The following SLC38A7 variants were observed in gnomAD, a reference collection of about 807,000 sequenced individuals.
SLC38A7 encodes the protein sodium-coupled neutral amino acid transporter 7.
In SLC38A7, 29 loss-of-function variants were observed where a neutral mutation model predicts 50.1. The observed-to-expected ratio is 0.58, with a 90% CI of 0.43 to 0.79. The LOEUF is 0.79. SLC38A7 is among the 30% of genes least tolerant of loss of function. The probability of loss-of-function intolerance (pLI) is 0.00; values close to 1 mark genes in which losing one functional copy is unlikely to be tolerated. For missense variants in SLC38A7, 483 were observed against 610.6 expected, an observed-to-expected ratio of 0.79 and a Z score of 2.20; for synonymous variants, 244 against 245.9, an observed-to-expected ratio of 0.99 and a Z score of 0.07.
Position 58,667,063 on chromosome 16 carries a change from T to C in SLC38A7, c.*322A>G, listed in dbSNP as rs761186846. The C allele has an allele frequency of 1.6e-5, 7 of 429,532 alleles. No individual in the cohort carries two copies. The highest frequency in any genetic ancestry group is 3.9e-5 in the Admixed American group (1 of 25,562). 26.6% of individuals were successfully genotyped at this position (429,532 alleles called of 1,614,324 possible). A position where few individuals can be genotyped will look rare whatever the true frequency, so the allele number is the denominator to read the frequency against. ...TCCAGAGGGAAGTCAGACTGGATTC[T>C]TTCTTATGAGATCTACCGACTCTCT... On this transcript the variant is annotated 3_prime_UTR_variant, in exon 12 of 12. Transcript: ENST00000219320.
chr16:58,671,010 G>A (rs773656011), intron 10 of SLC38A7, 35 bp downstream of exon 10: 28 of 1,557,158 alleles, frequency 1.8e-5, no homozygotes, highest in Non-Finnish European at 2.3e-5. Flanking sequence ...AGTCTGTGCT[G>A]TGGGGCTGTG....
At position 58,676,273 on chromosome 16, in the gene SLC38A7, C is replaced by T. The variant is rs1347934170; in HGVS notation, c.768+16G>A. 1.9e-6 allele frequency: 3 copies of T among 1,614,062 alleles called. No individual in the cohort carries two copies. Among genetic ancestry groups the T allele is most frequent in the Middle Eastern group, 1.6e-4 (1 of 6,084 alleles). On this transcript the variant is annotated intron_variant, in intron 7 of 11. Transcript: ENST00000219320. The stretch of plus-strand genomic sequence containing the variant: ...ATCTAAGGGGACAGCAGGGACCTTG[C>T]AACTGGCACTGGCACCTGAAATCCG...
chr16:58,676,348 T>C lies in SLC38A7; in HGVS notation c.711-2A>G. The C allele has an allele frequency of 6.2e-7, 1 of 1,614,172 alleles. No homozygotes were observed. Among genetic ancestry groups the C allele is most frequent in the Non-Finnish European group, 8.5e-7 (1 of 1,180,032 alleles). On this transcript the variant is annotated splice_acceptor_variant, in intron 6 of 11. Coordinates refer to ENST00000219320, the MANE Select transcript of SLC38A7 (RefSeq NM_018231.3). LOFTEE classifies it high-confidence loss of function. ...AACACAGCCATCCAGGAAGCCGGCC[T>C]GTGAACAAACACACATGGTGCTGCC...
chr16:58,677,781 G>A (rs1166405316), intron 5 of SLC38A7, among the ~76,000 whole-genome samples: 1 of 152,192 alleles, frequency 6.6e-6, no homozygotes, highest in Non-Finnish European at 1.5e-5. Context: ...TCTGAGCCTG[G>A]CCTTTGAGAA....
Position 58,675,928 on chromosome 16 carries a change from G to A in SLC38A7, c.883+12C>T, listed in dbSNP as rs1473903970. 3 of 1,595,796 alleles carry A rather than the reference G, an allele frequency of 1.9e-6. No homozygotes were observed. The highest frequency in any genetic ancestry group is 4.5e-5 in the East Asian group (2 of 44,018). The stretch of plus-strand genomic sequence containing the variant: ...ACTCTAGTCCCAGGTCTTGGGGGGG[G>A]GGAGCACTCACCTGTCCCCATGTAG... On this transcript the variant is annotated intron_variant, in intron 8 of 11. Coordinates refer to ENST00000219320, the MANE Select transcript of SLC38A7 (RefSeq NM_018231.3).
At position 58,673,083 on chromosome 16, in the gene SLC38A7, A is replaced by ATTTTTTTTTTTT. The variant is rs34081609; in HGVS notation, c.884-852_884-841dup. ...GCTGGGATTACACCATGCCCGGCTA[A>ATTTTTTTTTTTT]TTTTTTTTTTTTTTTTTTTTTTTTT... On this transcript the variant is annotated intron_variant, in intron 8 of 11. Transcript: ENST00000219320. Among the ~76,000 whole-genome samples, 42 of 60,390 alleles carry ATTTTTTTTTTTT rather than the reference A, an allele frequency of 7.0e-4. 5 individuals carry two copies. Among genetic ancestry groups the ATTTTTTTTTTTT allele is most frequent in the African/African-American group, 3.9e-3 (42 of 10,734 alleles). The allele number at this position is 60,390 out of a possible 152,430, so 39.6% of individuals were successfully genotyped here.
intron 10 of SLC38A7, 112 bp downstream of exon 10, chr16:58,670,933 G>C (rs2044146589): frequency 1.8e-6 from 2 of 1,119,268 alleles, no homozygotes; most frequent in Admixed American, 2.0e-5. Context: ...TGATCAATTA[G>C]TGCTGGTGGT....
In SLC38A7 at chr16:58,677,436, G is replaced by T; in HGVS notation, c.612-12C>A. On this transcript the variant is annotated splice_polypyrimidine_tract_variant and intron_variant, in intron 5 of 11. Transcript: ENST00000219320. The stretch of plus-strand genomic sequence containing the variant: ...CGACGCTCAGGAAGCTGCCGGGAAG[G>T]AGAGACTAAGTGTCCTCATCCCCAG... The T allele has an allele frequency of 6.2e-7, 1 of 1,613,274 alleles. No homozygotes were observed. Among genetic ancestry groups the T allele is most frequent in the Non-Finnish European group, 8.5e-7 (1 of 1,179,212 alleles).
chr16:58,680,698 GACCCCTTACC>G (rs2044371581), intron 2 of SLC38A7, among the ~76,000 whole-genome samples: 1 of 152,048 alleles, frequency 6.6e-6, no homozygotes, highest in South Asian at 2.1e-4. Flanking sequence ...GTCCCAAAAG[GACCCCTTACC>G]AAGAACTGAG....
In SLC38A7 at chr16:58,678,699, T is replaced by C; in HGVS notation, c.466A>G (p.Lys156Glu). The change falls in exon 4 of 12, where the codon AAG becomes GAG. Residue 156 changes from lysine (K) to glutamate (E), a missense_variant. Coordinates refer to ENST00000219320, the MANE Select transcript of SLC38A7 (RefSeq NM_018231.3). This position sits in a 1 kb window ranked among gnomAD's most constrained non-coding sequence, Gnocchi z 4.0. The part of the protein sequence containing the change: ...FLIIIGDQQD[K>E]IIAVMAKEPE... ...AGGGACTGAGGGAGAAGCTCACTCT[T>C]GTCCTGCTGGTCGCCAATGATGATT... 3.7e-6 allele frequency: 6 copies of C among 1,613,852 alleles called. No homozygotes were observed. In the Admixed American group the frequency reaches 1.0e-4, roughly 27 times the overall value.
rs114980123 is a variant in SLC38A7, at chr16:58,677,895, G to A, written c.611+438C>T. 9.1e-3 allele frequency among the ~76,000 whole-genome samples: 1,377 copies of A among 152,040 alleles called. 21 individuals carry two copies. Among genetic ancestry groups the A allele is most frequent in the African/African-American group, 0.031 (1,284 of 41,474 alleles). ...GAGCATGGCCCCTGCACTTACAGAC[G>A]GGGAAGCCTAGAATCCCACAGCCTT... On this transcript the variant is annotated intron_variant, in intron 5 of 11. Transcript: ENST00000219320.
intron 11 of SLC38A7, 139 bp downstream of exon 11, chr16:58,669,974 C>CA (rs113220781): frequency 0.15 from 85,232 of 569,228 alleles, 6 homozygotes; most frequent in South Asian, 0.16. Context: ...GACTCCGGCT[C>CA]AAAAAAAAAA....
chr16:58,670,194 A>C, intron 10 of SLC38A7, 27 bp from the exon 11 acceptor site: 1 of 1,612,950 alleles, frequency 6.2e-7, no homozygotes, highest in Non-Finnish European at 8.5e-7. Context: ...GGCCCTGAGC[A>C]TTTGTGAGGG....
At position 58,677,566 on chromosome 16, in the gene SLC38A7, C is replaced by T. The variant is rs7201899; in HGVS notation, c.612-142G>A. On this transcript the variant is annotated intron_variant, in intron 5 of 11. Transcript: ENST00000219320. Reference sequence around the variant, plus strand: ...GACTATGCCAAGCAGACTCAGGAAACGCCTGAGAAGTAGTTTCAGAGAAAC... The same window carrying T: ...GACTATGCCAAGCAGACTCAGGAAATGCCTGAGAAGTAGTTTCAGAGAAAC... 28,354 of 690,972 alleles carry T rather than the reference C, an allele frequency of 0.041. 5,651 individuals are homozygous for T. In the African/African-American group the frequency reaches 0.44, roughly 11 times the overall value. The allele number at this position is 690,972 out of a possible 1,614,324, so 42.8% of individuals were successfully genotyped here.
At chr16:58,681,161 A>G (rs2044379964) in intron 2 of SLC38A7, among the ~76,000 whole-genome samples, 1 of 152,160 alleles carries the variant, frequency 6.6e-6, no homozygotes, top group African/African-American at 2.4e-5. Context: ...TCAATCCTCA[A>G]TGCAGCCCTA....
chr16:58,680,888 T>C (rs564390330), intron 2 of SLC38A7, among the ~76,000 whole-genome samples: 2 of 152,342 alleles, frequency 1.3e-5, no homozygotes, highest in African/African-American at 4.8e-5. Context: ...CCCATGCTTC[T>C]AATGCTCCCA....
At chr16:58,667,562 TTAATTACTG>T (rs1180844613) in intron 11 of SLC38A7, 75 bp from the exon 12 acceptor site, 1 of 1,110,382 alleles carries the variant, frequency 9.0e-7, no homozygotes, top group Non-Finnish European at 1.3e-6. Flanking sequence ...TATATAACTG[TTAATTACTG>T]TAATTATCGC....
chr16:58,678,205 G>A lies in SLC38A7; in HGVS notation c.611+128C>T. On this transcript the variant is annotated intron_variant, in intron 5 of 11. Coordinates refer to ENST00000219320, the MANE Select transcript of SLC38A7 (RefSeq NM_018231.3). This position sits in a 1 kb window ranked among gnomAD's most constrained non-coding sequence, Gnocchi z 4.0. ...TCTGAAACCCTGCAAGCCCCGGTCT[G>A]CCCTGCCTTGCCTACTCTTGCTCCC... The A allele has an allele frequency of 8.9e-7, 1 of 1,124,218 alleles. No homozygotes were observed. The allele number at this position is 1,124,218 out of a possible 1,614,324, so 69.6% of individuals were successfully genotyped here.
In SLC38A7 at chr16:58,678,333, C is replaced by G; in HGVS notation, c.611G>C (p.Ser204Thr). ...CTGACCCAGGCTGGGGCCTCCAAAC[C>G]TGGCATATTTCTGGAAACCAATCTC... The part of the protein sequence containing the change: ...PREIGFQKYA[S>T]FLSVVGTWYV... Residue 204 changes from serine (S) to threonine (T), a missense_variant and splice_region_variant, in exon 5 of 12, where the codon AGC (serine) becomes ACC (threonine). Physicochemically the swap from Ser to Thr is moderately conservative, Grantham distance 58. Transcript: ENST00000219320. The surrounding 1 kb of genome is among the most constrained non-coding windows in gnomAD (Gnocchi z 4.0). 1 of 1,552,948 alleles carries G rather than the reference C, an allele frequency of 6.4e-7. No individual in the cohort carries two copies.
Sources: allele counts gnomAD v4.1 joint callset (sites outside exome capture counted in the v4.1 genomes callset), GRCh38; gene constraint gnomAD v4.1.1; non-coding constraint Gnocchi (gnomAD v3.1); transcripts MANE v1.5; gene names NCBI Gene and HGNC (gene_info 2026-07-23, HGNC 2026-07-21).